Variants in FILIP1L observed in about 807,000 individuals in gnomAD.
FILIP1L encodes the protein filamin A-interacting protein 1-like.
FILIP1L carries 55 observed loss-of-function variants against 96.6 expected under a neutral mutation model. The observed-to-expected ratio is 0.57, with a 90% confidence interval of 0.46 to 0.71. FILIP1L has a LOEUF of 0.71. Ranked by LOEUF, FILIP1L falls within the 30% of genes least tolerant of loss-of-function variation. FILIP1L has a pLI of 0.00. For synonymous variants in FILIP1L, 467 were observed against 473.9 expected (o/e 0.99, Z 0.19); for missense variants, 1,304 against 1,321.2 (o/e 0.99, Z 0.20).
chr3:99,857,517 A>T (rs899054915), intron 4 of FILIP1L, among the ~76,000 whole-genome samples: 2 of 152,268 alleles, frequency 1.3e-5, no homozygotes, highest in African/African-American at 4.8e-5. Flanking sequence ...CTACTGGACA[A>T]ATATGTTTGT....
chr3:99,935,339 T>A (rs73858966), intron 1 of FILIP1L, among the ~76,000 whole-genome samples: 14,967 of 151,880 alleles, frequency 0.099, 901 homozygotes, highest in African/African-American at 0.16. Flanking sequence ...AGTGCTGACC[T>A]AGTACCTAGT....
intron 1 of FILIP1L, among the ~76,000 whole-genome samples, chr3:100,037,996 C>T (rs1452145277): frequency 1.3e-5 from 2 of 148,940 alleles, no homozygotes; most frequent in Non-Finnish European, 3.0e-5. Context: ...CGCTCTGTCG[C>T]CCAGGTGGAG....
chr3:99,880,873 T>C (rs74987480), intron 4 of FILIP1L, among the ~76,000 whole-genome samples: 1,756 of 152,272 alleles, frequency 0.012, 17 homozygotes, highest in African/African-American at 0.026. Flanking sequence ...GGATGGACCC[T>C]GTATGTGTAT....
At chr3:99,852,157 C>T (rs1465729662) in intron 4 of FILIP1L, among the ~76,000 whole-genome samples, 2 of 152,156 alleles carry the variant, frequency 1.3e-5, no homozygotes, top group Non-Finnish European at 2.9e-5. Context: ...ATTTGTGGCA[C>T]TCTCAATTAT....
intron 4 of FILIP1L, among the ~76,000 whole-genome samples, chr3:99,910,787 G>T (rs866006548): frequency 1.2e-5 from 1 of 83,570 alleles, no homozygotes; most frequent in Non-Finnish European, 3.2e-5. Flanking sequence ...GAATATTTAT[G>T]CCCATTTTAT....
chr3:99,926,362 A>C (rs952936183), intron 3 of FILIP1L, among the ~76,000 whole-genome samples: 1 of 152,220 alleles, frequency 6.6e-6, no homozygotes, highest in Non-Finnish European at 1.5e-5. Context: ...GCTATGTTGT[A>C]TTGCCTGCTG....
At chr3:99,862,957 G>GCTCT (rs1033016877) in intron 4 of FILIP1L, among the ~76,000 whole-genome samples, 2 of 152,172 alleles carry the variant, frequency 1.3e-5, no homozygotes, top group African/African-American at 2.4e-5. Flanking sequence ...CCTCACTGAT[G>GCTCT]CTCTGCTCAT....
At chr3:100,060,442 C>T (rs1036716118) in intron 1 of FILIP1L, among the ~76,000 whole-genome samples, 5 of 151,928 alleles carry the variant, frequency 3.3e-5, no homozygotes, top group African/African-American at 1.2e-4. Context: ...TGCCAATGCC[C>T]TAAACGAAAA....
chr3:99,975,156 CT>C lies in FILIP1L; in HGVS notation c.-10-44127del, dbSNP rs566512516. Reference sequence around the variant, plus strand: ...ATTCAACTTCCACCTGCTTCTGTTCCTCCCCGCTCCAATCTACCAGATTCCT... The same window carrying C: ...ATTCAACTTCCACCTGCTTCTGTTCCCCCCGCTCCAATCTACCAGATTCCT... On this transcript the variant is annotated intron_variant, in intron 1 of 5. Transcript: ENST00000477258. 1.8e-3 allele frequency among the ~76,000 whole-genome samples: 273 copies of C among 152,302 alleles called. 2 individuals carry two copies. Among genetic ancestry groups the C allele is most frequent in the Non-Finnish European group, 2.2e-3 (148 of 68,022 alleles).
chr3:100,087,723 TGAA>T (rs1470285300), intron 1 of FILIP1L, among the ~76,000 whole-genome samples: 1 of 152,156 alleles, frequency 6.6e-6, no homozygotes, highest in African/African-American at 2.4e-5. Flanking sequence ...GAAAAGTTTT[TGAA>T]GAAGACCAAT....
chr3:100,101,631 T>A (rs1282310434), intron 1 of FILIP1L, among the ~76,000 whole-genome samples: 1 of 152,176 alleles, frequency 6.6e-6, no homozygotes. Flanking sequence ...TTTGTTTTTT[T>A]AATTATACTT....
chr3:99,891,385 G>A (rs1706077980), intron 4 of FILIP1L, among the ~76,000 whole-genome samples: 1 of 152,002 alleles, frequency 6.6e-6, no homozygotes, highest in African/African-American at 2.4e-5. Context: ...TAAGTTTATG[G>A]AGTTTAACAA....
chr3:100,006,672 T>C (rs62283552), intron 1 of FILIP1L, among the ~76,000 whole-genome samples: 1 of 151,808 alleles, frequency 6.6e-6, no homozygotes, highest in Non-Finnish European at 1.5e-5. Flanking sequence ...AAAAAAAAAT[T>C]CCAGCTTGGG....
intron 1 of FILIP1L, among the ~76,000 whole-genome samples, chr3:99,999,187 A>G (rs1445588852): frequency 1.3e-5 from 2 of 152,204 alleles, no homozygotes; most frequent in African/African-American, 4.8e-5. Flanking sequence ...TTATTTTTTA[A>G]TGATCTCTAG....
rs10935983 is a variant in FILIP1L at position 99,842,504 on chromosome 3, CAA to C, written c.3381+5789_3381+5790del. 9.5e-3 allele frequency among the ~76,000 whole-genome samples: 1,244 copies of C among 131,472 alleles called. 11 individuals carry two copies. Among genetic ancestry groups the C allele is most frequent in the African/African-American group, 0.025 (879 of 35,790 alleles). The allele number at this position is 131,472 out of a possible 152,430, so 86.3% of individuals were successfully genotyped here. On this transcript the variant is annotated intron_variant, in intron 5 of 5. Transcript: ENST00000477258. ...TTGAAATAAATAAATTAAAACAGGC[CAA>C]AAAAAAAAAAAAAAGATGGTCTCAG...
At position 99,930,953 on chromosome 3, in the gene FILIP1L, T is replaced by TA. The variant is rs1559693001; in HGVS notation, c.67_68insT (p.His23LeufsTer7). ...CATGTTTTTAGGCCCTTGGAAACTGTGGCCTTTAGTATGTCTTGGAAATTT... is the reference window on the plus strand; with the variant it reads ...CATGTTTTTAGGCCCTTGGAAACTGTAGGCCTTTAGTATGTCTTGGAAATTT... On this transcript the variant is annotated frameshift_variant, in exon 2 of 6. Coordinates refer to ENST00000477258, the MANE Select transcript of FILIP1L (RefSeq NM_001387850.1). LOFTEE classifies it high-confidence loss of function. 2 of 1,613,718 alleles carry TA rather than the reference T, an allele frequency of 1.2e-6. No homozygotes were observed. The highest frequency in any genetic ancestry group is 4.5e-5 in the East Asian group (2 of 44,848).
chr3:99,876,205 G>A (rs1343440417), intron 4 of FILIP1L: 1 of 985,340 alleles, frequency 1.0e-6, no homozygotes, highest in Non-Finnish European at 1.2e-6. Context: ...CGGCCTATGG[G>A]CGTTACGTCA....
intron 1 of FILIP1L, among the ~76,000 whole-genome samples, chr3:100,008,461 G>A (rs1710051108): frequency 6.6e-6 from 1 of 152,162 alleles, no homozygotes; most frequent in Non-Finnish European, 1.5e-5. Context: ...TGTAGTCATT[G>A]GTATCCTGCA....
intron 4 of FILIP1L, among the ~76,000 whole-genome samples, chr3:99,872,408 G>C (rs1944846973): frequency 6.6e-6 from 1 of 151,046 alleles, no homozygotes; most frequent in African/African-American, 2.4e-5. Context: ...AATGTTTGCT[G>C]TTCTGATGTA....
Sources: allele counts gnomAD v4.1 joint callset (sites outside exome capture counted in the v4.1 genomes callset), GRCh38; gene constraint gnomAD v4.1.1; transcripts MANE v1.5; gene names NCBI Gene and HGNC (gene_info 2026-07-23, HGNC 2026-07-21).